Variants in FAT2 observed in about 807,000 individuals in gnomAD.
FAT2 encodes FAT atypical cadherin 2, also known as protocadherin Fat 2.
Under a neutral mutation model 295.3 loss-of-function variants are expected in FAT2, and 150 were observed. The observed-to-expected ratio is 0.51, with a 90% confidence interval of 0.44 to 0.58. The LOEUF is 0.58. FAT2 is among the 20% of genes least tolerant of loss of function. FAT2 has a pLI of 0.00. For synonymous variants in FAT2, 2,026 were observed against 2,150.3 expected (o/e 0.94, Z 1.60); for missense variants, 4,868 against 5,442.7 (o/e 0.89, Z 3.32).
intron 1 of FAT2, among the ~76,000 whole-genome samples, chr5:151,581,787 T>G (rs563587660): frequency 2.0e-5 from 3 of 152,282 alleles, no homozygotes; most frequent in African/African-American, 4.8e-5. Flanking sequence ...CCCATGCCCA[T>G]GGGTTAGAAA....
rs542995684 is a variant in FAT2 at position 151,514,931 on chromosome 5, C to T, written c.11464-2325G>A. On this transcript the variant is annotated intron_variant, in intron 20 of 23. Transcript: ENST00000261800. ...ACAGCATACACACATGGTGTTATTGCTCTAATCTTTATTTTCAAAAATATA... is the reference window on the plus strand; with the variant it reads ...ACAGCATACACACATGGTGTTATTGTTCTAATCTTTATTTTCAAAAATATA... Among the ~76,000 whole-genome samples the T allele has an allele frequency of 2.2e-3, 338 of 152,220 alleles. 3 individuals carry two copies. The highest frequency in any genetic ancestry group is 3.7e-3 in the Non-Finnish European group (252 of 68,038).
chr5:151,540,894 G>GC, intron 10 of FAT2, 131 bp from the exon 11 acceptor site: 1 of 799,922 alleles, frequency 1.3e-6, no homozygotes, highest in Admixed American at 2.9e-5. Flanking sequence ...CCTTAACTAG[G>GC]AACCCACGAT....
chr5:151,570,026 GT>G (rs1171919459), intron 1 of FAT2, among the ~76,000 whole-genome samples: 2 of 152,236 alleles, frequency 1.3e-5, no homozygotes, highest in East Asian at 3.8e-4. Flanking sequence ...TAGGATTGTT[GT>G]GAAAATTCAG....
Position 151,505,325 on chromosome 5 carries a change from CT to C in FAT2, c.*239del, listed in dbSNP as rs1760753761. ...TGTTCCTGGTTTTCCAGGGTCACTGCTCTAGAAATGCCCCTCTCCTGGGACC... is the reference window on the plus strand; with the variant it reads ...TGTTCCTGGTTTTCCAGGGTCACTGCCTAGAAATGCCCCTCTCCTGGGACC... On this transcript the variant is annotated 3_prime_UTR_variant, in exon 24 of 24. Coordinates refer to ENST00000261800, the MANE Select transcript of FAT2 (RefSeq NM_001447.3). 3 of 575,696 alleles carry C rather than the reference CT, an allele frequency of 5.2e-6. No individual in the cohort carries two copies. The highest frequency in any genetic ancestry group is 4.6e-4 in the Middle Eastern group (1 of 2,162). 35.7% of individuals were successfully genotyped at this position (575,696 alleles called of 1,614,324 possible).
rs1761386204 is a variant in FAT2 at position 151,512,299 on chromosome 5, T to C, written c.11771A>G (p.Asp3924Gly). Residue 3924 changes from aspartate (D) to glycine (G), a missense_variant, in exon 21 of 24, where the codon GAT (aspartate) becomes GGT (glycine). This residue lies in a region of FAT2 where 1,046 missense variants were observed against 1,210.1 expected (regional missense o/e 0.86). Transcript: ENST00000261800. This position sits in a 1 kb window ranked among gnomAD's most constrained non-coding sequence, Gnocchi z 4.1. Reference protein sequence around the residue: ...DAVVVNEEALDLLAPGKTVAG... With the variant: ...DAVVVNEEALGLLAPGKTVAG... ...CACCGTCTTGCCAGGGGCCAGCAGATCTAGAGCCTCTTCGTTGACCACGAC... is the reference window on the plus strand; with the variant it reads ...CACCGTCTTGCCAGGGGCCAGCAGACCTAGAGCCTCTTCGTTGACCACGAC... 1 of 1,614,170 alleles carries C rather than the reference T, an allele frequency of 6.2e-7. No homozygotes were observed.
rs919691831 is a variant in FAT2 at position 151,567,847 on chromosome 5, A to T, written c.1085T>A (p.Phe362Tyr). 2 of 1,614,146 alleles carry T rather than the reference A, an allele frequency of 1.2e-6. No individual in the cohort carries two copies. ...CTGCACTCTGTAAACAGCCTTCTCG[A>T]ATTTGAGGGAAGACAGTTTGGAAGG... ...LPPSKLSSLK[F>Y]EKAVYRVQLS... Residue 362 changes from phenylalanine to tyrosine, a missense_variant, in exon 2 of 24, where the codon TTC (phenylalanine) becomes TAC (tyrosine). Physicochemically the swap from Phe to Tyr is conservative, Grantham distance 22. Transcript: ENST00000261800.
At chr5:151,562,890 G>T (rs1333591363) in intron 3 of FAT2, among the ~76,000 whole-genome samples, 2 of 152,092 alleles carry the variant, frequency 1.3e-5, no homozygotes, top group African/African-American at 4.8e-5. Context: ...CACTCTGGGC[G>T]GGGTTGAGAT....
chr5:151,517,556 C>T, intron 20 of FAT2, 64 bp downstream of exon 20: 1 of 1,597,878 alleles, frequency 6.3e-7, no homozygotes, highest in Non-Finnish European at 8.6e-7. Context: ...TTCCTCATGC[C>T]TCACCCCCTA....
In FAT2 at chr5:151,542,637, G is replaced by C. The variant is rs1378232584; in HGVS notation, c.8490C>G (p.Gly2830=). The change falls in exon 10 of 24, where the codon GGC becomes GGG. Residue 2830 remains glycine (G), a synonymous_variant. Coordinates refer to ENST00000261800, the MANE Select transcript of FAT2 (RefSeq NM_001447.3). The part of the protein sequence containing the change: ...TAIDKDTGRD[G]QVSYRLSADP... ...CTGCAGACAGCCTGTAGCTCACCTG[G>C]CCATCTCTCCCAGTGTCCTTGTCAA... 1 of 1,614,180 alleles carries C rather than the reference G, an allele frequency of 6.2e-7. No homozygotes were observed. Among genetic ancestry groups the C allele is most frequent in the African/African-American group, 1.3e-5 (1 of 75,046 alleles).
rs547504968 is a variant in FAT2, at chr5:151,533,494, C to T, written c.9427+915G>A. Among the ~76,000 whole-genome samples, 5 of 151,816 alleles carry T rather than the reference C, an allele frequency of 3.3e-5. No homozygotes were observed. In the South Asian group the frequency reaches 1.0e-3, roughly 32 times the overall value. ...TTGACTGTTTGCCCTCCCTAGAACC[C>T]CTACATCCCTCGAATATCTCACCTC... On this transcript the variant is annotated intron_variant, in intron 13 of 23. Coordinates refer to ENST00000261800, the MANE Select transcript of FAT2 (RefSeq NM_001447.3).
rs56258915 is a variant in FAT2 at position 151,507,625 on chromosome 5, G to GAAA, written c.12060-15_12060-14insTTT. ...TCCATTTCACACCTGCGGAGACAGAGTAGTCAGGGGGCCAAGTCATGAAAT... is the reference window on the plus strand; with the variant it reads ...TCCATTTCACACCTGCGGAGACAGAGAAATAGTCAGGGGGCCAAGTCATGAAAT... On this transcript the variant is annotated splice_polypyrimidine_tract_variant and intron_variant, in intron 22 of 23. Coordinates refer to ENST00000261800, the MANE Select transcript of FAT2 (RefSeq NM_001447.3). 1.3e-6 allele frequency: 2 copies of GAAA among 1,587,516 alleles called. No individual in the cohort carries two copies. The highest frequency in any genetic ancestry group is 3.5e-5 in the Admixed American group (2 of 57,788).
At position 151,545,836 on chromosome 5, in the gene FAT2, A is replaced by G. The variant is rs1484271686; in HGVS notation, c.5291T>C (p.Val1764Ala). The G allele has an allele frequency of 1.2e-6, 2 of 1,614,252 alleles. No individual in the cohort carries two copies. The highest frequency in any genetic ancestry group is 3.3e-5 in the Admixed American group (2 of 60,026). Reference sequence around the variant, plus strand: ...TGGAGCTGCTTCACTAATTTGGCCCACAAAAGTTGACTTTAAGAACATAGG... The same window carrying G: ...TGGAGCTGCTTCACTAATTTGGCCCGCAAAAGTTGACTTTAAGAACATAGG... ...NAPMFLKSTF[V>A]GQISEAAPLY... The change falls in exon 10 of 24, where the codon GTG (valine) becomes GCG (alanine). Residue 1764 changes from valine (V) to alanine (A), a missense_variant. By Grantham distance (64) the Val-to-Ala change is moderately conservative. Around this residue, in one of 5 missense-constraint regions of FAT2, gnomAD observed 3,297 missense variants for 3,669.4 expected, o/e 0.90. Coordinates refer to ENST00000261800, the MANE Select transcript of FAT2 (RefSeq NM_001447.3).
upstream of FAT2, among the ~76,000 whole-genome samples, chr5:151,594,452 C>G (rs1759512726): frequency 6.6e-6 from 1 of 152,250 alleles, no homozygotes; most frequent in Non-Finnish European, 1.5e-5. Context: ...TGGGTAGGAC[C>G]CAGGCATCAG....
At chr5:151,554,336 T>A in intron 5 of FAT2, 26 bp downstream of exon 5, 2 of 1,595,530 alleles carry the variant, frequency 1.3e-6, no homozygotes, top group Non-Finnish European at 1.7e-6. Flanking sequence ...CACTCCTCCC[T>A]CCGTGGCTTC....
At chr5:151,506,223 T>TACAC in intron 23 of FAT2, 126 bp from the exon 24 acceptor site, 2 of 995,084 alleles carry the variant, frequency 2.0e-6, no homozygotes, top group Non-Finnish European at 2.8e-6. Flanking sequence ...GGCCCATCTG[T>TACAC]GCAGGTTGTC....
In FAT2 at chr5:151,509,989, A is replaced by T. The variant is rs1206930189; in HGVS notation, c.12059+32T>A. ...GTACAGAGCGCATTCCCTAACAAGG[A>T]GCCCATGGCAGGTGGCCTCTCCTGG... is the stretch of plus-strand genomic sequence containing the variant. On this transcript the variant is annotated intron_variant, in intron 22 of 23. Transcript: ENST00000261800. 16 of 1,607,464 alleles carry T rather than the reference A, an allele frequency of 1.0e-5. 2 individuals carry two copies. In the Admixed American group the frequency reaches 2.5e-4, roughly 25 times the overall value.
rs151015689 is a variant in FAT2, at chr5:151,545,650, G to A, written c.5477C>T (p.Ser1826Leu). 5.8e-4 allele frequency: 944 copies of A among 1,614,150 alleles called. 4 individuals carry two copies. Among genetic ancestry groups the A allele is most frequent in the Middle Eastern group, 9.9e-4 (6 of 6,062 alleles). The change falls in exon 10 of 24, where the codon TCA (serine) becomes TTA (leucine). Residue 1826 changes from serine (S) to leucine (L), a missense_variant. Transcript: ENST00000261800. ...GGGCATGCTCTCATAATCCATCTCT[G>A]ATACAATGGTTAGGGTTCCCATGCT... ...DPSMGTLTIV[S>L]EMDYESMPSF...
intron 16 of FAT2, 149 bp downstream of exon 16, chr5:151,527,847 C>T (rs1754179090): frequency 9.2e-7 from 1 of 1,085,214 alleles, no homozygotes; most frequent in East Asian, 2.5e-5. Context: ...TCCACAGAGG[C>T]CCCACAGAGA....
At chr5:151,513,293 CAT>C (rs1429063770) in intron 20 of FAT2, among the ~76,000 whole-genome samples, 2 of 152,178 alleles carry the variant, frequency 1.3e-5, no homozygotes, top group African/African-American at 2.4e-5. Flanking sequence ...GACATACACT[CAT>C]ATGTTGATTG....
Sources: allele counts gnomAD v4.1 joint callset (sites outside exome capture counted in the v4.1 genomes callset), GRCh38; gene constraint gnomAD v4.1.1; regional missense constraint gnomAD v4.1.1; non-coding constraint Gnocchi (gnomAD v3.1); transcripts MANE v1.5; gene names NCBI Gene and HGNC (gene_info 2026-07-23, HGNC 2026-07-21).